SPON1: variants seen among roughly 807,000 people sequenced by gnomAD.
SPON1 encodes the protein spondin-1.
Under a neutral mutation model 111.7 loss-of-function variants are expected in SPON1, and 52 were observed. The ratio of observed to expected loss-of-function variants is 0.47; its 90% CI spans 0.37 to 0.59. The LOEUF is 0.59. Ranked by LOEUF, SPON1 falls within the 20% of genes least tolerant of loss-of-function variation. The pLI, the probability that SPON1 is intolerant of heterozygous loss-of-function variation, is 0.00. For synonymous variants in SPON1, 410 were observed against 395.8 expected (o/e 1.04, Z -0.43); for missense variants, 957 against 1,068.5 (o/e 0.90, Z 1.46).
At chr11:14,071,387 C>T (rs1388936538) in intron 3 of SPON1, among the ~76,000 whole-genome samples, 17 of 152,060 alleles carry the variant, frequency 1.1e-4, no homozygotes, top group Admixed American at 1.1e-3. Flanking sequence ...GCACGCTTTC[C>T]CTGGGTGACA....
At chr11:14,164,687 A>T (rs941732048) in intron 6 of SPON1, among the ~76,000 whole-genome samples, 10 of 152,224 alleles carry the variant, frequency 6.6e-5, no homozygotes, top group Non-Finnish European at 1.0e-4. Context: ...AGAGTAATTT[A>T]TGCAGAGTTG....
In SPON1 at chr11:14,259,947, T is replaced by C. The variant is rs1452345996; in HGVS notation, c.1831+246T>C. The stretch of plus-strand genomic sequence containing the variant: ...GCTGGGGTGGCAAACTGGTGGCCTC[T>C]GGATAGAGAATTCACCTGCAGCTGT... On this transcript the variant is annotated intron_variant, in intron 13 of 15. Coordinates refer to ENST00000576479, the MANE Select transcript of SPON1 (RefSeq NM_006108.4). This position sits in a 1 kb window ranked among gnomAD's most constrained non-coding sequence, Gnocchi z 5.0. Among the ~76,000 whole-genome samples the C allele has an allele frequency of 6.6e-6, 1 of 152,156 alleles. No individual in the cohort carries two copies. Among genetic ancestry groups the C allele is most frequent in the Non-Finnish European group, 1.5e-5 (1 of 68,024 alleles).
intron 5 of SPON1, among the ~76,000 whole-genome samples, chr11:14,119,356 C>A (rs564749049): frequency 1.1e-4 from 17 of 152,248 alleles, no homozygotes; most frequent in African/African-American, 3.6e-4. Flanking sequence ...CAGCGTACCT[C>A]TGAGAGGTGT....
intron 5 of SPON1, among the ~76,000 whole-genome samples, chr11:14,115,719 C>T (rs1475999835): frequency 6.6e-6 from 1 of 152,110 alleles, no homozygotes; most frequent in Non-Finnish European, 1.5e-5. Context: ...ATGAACAGTG[C>T]TGCTATATGC....
intron 5 of SPON1, among the ~76,000 whole-genome samples, chr11:14,132,930 A>C (rs1207212774): frequency 6.6e-6 from 1 of 152,186 alleles, no homozygotes; most frequent in African/African-American, 2.4e-5. Flanking sequence ...TAATAGGTTG[A>C]TAAGGTAGGC....
At chr11:14,009,026 A>G (rs1275449689) in intron 2 of SPON1, among the ~76,000 whole-genome samples, 2 of 152,114 alleles carry the variant, frequency 1.3e-5, no homozygotes, top group East Asian at 1.9e-4. Flanking sequence ...ACCTTTCTGC[A>G]TCCATTTTTG....
At chr11:14,086,901 C>G (rs1360656518) in intron 5 of SPON1, among the ~76,000 whole-genome samples, 1 of 152,120 alleles carries the variant, frequency 6.6e-6, no homozygotes, top group Non-Finnish European at 1.5e-5. Context: ...AGGAATTTAT[C>G]CATTTCTTCT....
intron 5 of SPON1, among the ~76,000 whole-genome samples, chr11:14,133,635 C>A (rs1303776428): frequency 6.6e-6 from 1 of 152,182 alleles, no homozygotes; most frequent in African/African-American, 2.4e-5. Context: ...GAAGCTGCTT[C>A]ACTCTGTGTC....
intron 3 of SPON1, among the ~76,000 whole-genome samples, chr11:14,066,013 G>A (rs1368946304): frequency 6.6e-6 from 1 of 152,182 alleles, no homozygotes. Flanking sequence ...TCACCGAATA[G>A]CAAGTGAACT....
At chr11:14,241,245 A>C (rs1353655566) in intron 6 of SPON1, among the ~76,000 whole-genome samples, 1 of 152,168 alleles carries the variant, frequency 6.6e-6, no homozygotes, top group African/African-American at 2.4e-5. Context: ...ATTTTCCACA[A>C]TGTGTGTATT....
At chr11:14,211,519 T>A (rs1399771004) in intron 6 of SPON1, among the ~76,000 whole-genome samples, 3 of 152,138 alleles carry the variant, frequency 2.0e-5, no homozygotes, top group Non-Finnish European at 4.4e-5. Context: ...TGCTCATGGA[T>A]AGGAAGAATC....
intron 5 of SPON1, among the ~76,000 whole-genome samples, chr11:14,085,086 C>T (rs1236887228): frequency 6.6e-6 from 1 of 152,148 alleles, no homozygotes; most frequent in Non-Finnish European, 1.5e-5. Context: ...TTCTCCCACT[C>T]TGTAGGTTGC....
intron 6 of SPON1, among the ~76,000 whole-genome samples, chr11:14,223,220 C>T (rs1328363057): frequency 1.3e-5 from 2 of 152,106 alleles, no homozygotes; most frequent in African/African-American, 4.8e-5. Context: ...CAAAAATTAG[C>T]CAGTGTGGTG....
chr11:14,074,880 A>T (rs1848904923), intron 3 of SPON1, among the ~76,000 whole-genome samples: 1 of 152,256 alleles, frequency 6.6e-6, no homozygotes, highest in Non-Finnish European at 1.5e-5. Flanking sequence ...ATATAGAATG[A>T]CATTTTCAGA....
At chr11:14,054,753 G>T (rs1554918981) in intron 3 of SPON1, among the ~76,000 whole-genome samples, 1 of 152,134 alleles carries the variant, frequency 6.6e-6, no homozygotes, top group South Asian at 2.1e-4. Flanking sequence ...GTCTTGTCTT[G>T]TGGCTCTGGA....
At chr11:14,186,595 C>T (rs1268098282) in intron 6 of SPON1, among the ~76,000 whole-genome samples, 1 of 152,234 alleles carries the variant, frequency 6.6e-6, no homozygotes, top group Non-Finnish European at 1.5e-5. Context: ...ACCAGCCTCT[C>T]CAATCCTGGC....
Position 14,259,208 on chromosome 11 carries a change from G to A in SPON1, c.1493-72G>A, listed in dbSNP as rs1849143030. ...TCCTCTTGATTCCCGCTGGCGGGAA[G>A]TTCCCACCGCGCAGCCTGGCAGGCG... On this transcript the variant is annotated intron_variant, in intron 11 of 15. Transcript: ENST00000576479. The surrounding 1 kb of genome is among the most constrained non-coding windows in gnomAD (Gnocchi z 5.0). 6.8e-7 allele frequency: 1 copy of A among 1,473,034 alleles called. No individual in the cohort carries two copies. Among genetic ancestry groups the A allele is most frequent in the Non-Finnish European group, 9.1e-7 (1 of 1,104,156 alleles). The allele number at this position is 1,473,034 out of a possible 1,614,324, so 91.2% of individuals were successfully genotyped here. A position where few individuals can be genotyped will look rare whatever the true frequency, so the allele number is the denominator to read the frequency against.
chr11:14,216,512 GT>G (rs1157623891), intron 6 of SPON1, among the ~76,000 whole-genome samples: 7 of 152,164 alleles, frequency 4.6e-5, no homozygotes, highest in Non-Finnish European at 8.8e-5. Context: ...GTCTTAGTCT[GT>G]TTTTTGTTTC....
intron 5 of SPON1, among the ~76,000 whole-genome samples, chr11:14,081,425 A>G (rs1564900520): frequency 6.6e-6 from 1 of 152,188 alleles, no homozygotes; most frequent in Non-Finnish European, 1.5e-5. Flanking sequence ...ATAGTGTTTA[A>G]TCCTCAAAGT....
Sources: gnomAD v4.1 joint callset for allele counts (sites outside exome capture counted in the v4.1 genomes callset) on GRCh38, gnomAD v4.1.1 for gene constraint, Gnocchi (gnomAD v3.1) non-coding constraint, MANE v1.5 for transcripts, NCBI Gene and HGNC (gene_info 2026-07-23, HGNC 2026-07-21) for gene names.